The following VCL variants were observed in gnomAD, a reference collection of about 807,000 sequenced individuals.
VCL encodes the protein epididymis luminal protein 114.
In VCL, 47 loss-of-function variants were observed where a neutral mutation model predicts 125.7. That is an observed-to-expected ratio of 0.37 (90% CI 0.30 to 0.48). The LOEUF (loss-of-function observed/expected upper bound fraction) is 0.48, where lower values mean the gene tolerates loss of function less well. Among genes scored for constraint, VCL ranks in the 20% least tolerant of loss-of-function variants. VCL has a pLI of 0.99. For synonymous variants in VCL, 458 were observed against 514.6 expected (o/e 0.89, Z 1.49); for missense variants, 1,069 against 1,455.5 (o/e 0.73, Z 4.32).
chr10:74,010,698 C>T (rs1448153810), intron 1 of VCL, among the ~76,000 whole-genome samples: 1 of 151,674 alleles, frequency 6.6e-6, no homozygotes, highest in Non-Finnish European at 1.5e-5. Context: ...CACTTTCCTG[C>T]TTATGAATTT....
chr10:74,064,802 T>G (rs937184570), intron 2 of VCL, among the ~76,000 whole-genome samples: 1 of 152,174 alleles, frequency 6.6e-6, no homozygotes, highest in Non-Finnish European at 1.5e-5. Flanking sequence ...CATAGAAAAT[T>G]TATAAAAATA....
intron 2 of VCL, among the ~76,000 whole-genome samples, chr10:74,060,655 C>A (rs866824307): frequency 0.011 from 1,210 of 108,676 alleles, no homozygotes; most frequent in East Asian, 0.022. Flanking sequence ...GACTCTGTCT[C>A]AAAAAAAAAA....
chr10:74,115,259 G>C (rs917050136), intron 21 of VCL, among the ~76,000 whole-genome samples: 18 of 151,970 alleles, frequency 1.2e-4, no homozygotes, highest in African/African-American at 4.1e-4. Flanking sequence ...CCAGGAATTG[G>C]GAGCCAGGTG....
At chr10:74,086,680 T>C (rs1225251487) in intron 8 of VCL, among the ~76,000 whole-genome samples, 1 of 152,214 alleles carries the variant, frequency 6.6e-6, no homozygotes, top group East Asian at 1.9e-4. Context: ...GTAGTTATTG[T>C]AGGGGTTCCA....
intron 1 of VCL, among the ~76,000 whole-genome samples, chr10:74,022,352 C>G (rs1840686540): frequency 6.6e-6 from 1 of 151,830 alleles, no homozygotes; most frequent in African/African-American, 2.4e-5. Context: ...TCAAGACCAG[C>G]CTGGTCAACA....
chr10:74,041,004 G>A (rs915812109), intron 1 of VCL, among the ~76,000 whole-genome samples: 6 of 152,102 alleles, frequency 3.9e-5, no homozygotes, highest in Admixed American at 2.6e-4. Flanking sequence ...CCATAGGTGT[G>A]AGCCACCACA....
intron 13 of VCL, among the ~76,000 whole-genome samples, chr10:74,098,090 C>T (rs1384721068): frequency 6.6e-6 from 1 of 152,152 alleles, no homozygotes; most frequent in Admixed American, 6.5e-5. Flanking sequence ...CATTTCTTTG[C>T]TCTCGTGTGG....
chr10:74,018,742 AT>A (rs1840607169), intron 1 of VCL, among the ~76,000 whole-genome samples: 1 of 152,214 alleles, frequency 6.6e-6, no homozygotes, highest in South Asian at 2.1e-4. Context: ...CTGGTTCAAA[AT>A]TTAAAAGGTA....
At chr10:74,042,072 T>C (rs775163765) in intron 1 of VCL, among the ~76,000 whole-genome samples, 37 of 152,260 alleles carry the variant, frequency 2.4e-4, no homozygotes, top group Non-Finnish European at 4.7e-4. Context: ...ATTTTAAAAA[T>C]GTTCTTTCGG....
At chr10:74,089,122 A>C in intron 8 of VCL, 74 bp from the exon 9 acceptor site, 1 of 1,597,588 alleles carries the variant, frequency 6.3e-7, no homozygotes, top group Admixed American at 1.7e-5. Context: ...AACCACATGT[A>C]CTGTGCTATT....
At chr10:74,115,746 A>G (rs1047990992) in intron 21 of VCL, among the ~76,000 whole-genome samples, 3 of 152,234 alleles carry the variant, frequency 2.0e-5, no homozygotes, top group African/African-American at 7.2e-5. Context: ...GACAGCTCAA[A>G]GGAGGTGCTT....
At position 74,020,840 on chromosome 10, in the gene VCL, CAAAA is replaced by C. The variant is rs567412270; in HGVS notation, c.169-22225_169-22222del. Among the ~76,000 whole-genome samples, 132 of 66,738 alleles carry C rather than the reference CAAAA, an allele frequency of 2.0e-3. 1 individual carries two copies. The highest frequency in any genetic ancestry group is 3.0e-3 in the Non-Finnish European group (112 of 37,450). 43.8% of individuals were successfully genotyped at this position (66,738 alleles called of 152,430 possible). On this transcript the variant is annotated intron_variant, in intron 1 of 21. Transcript: ENST00000211998. Reference sequence around the variant, plus strand: ...TGGGCAACAGAGCAAGACCTTGTCTCAAAAAAAAAAAAAAAAAAAAAGAGAGCGA... The same window carrying C: ...TGGGCAACAGAGCAAGACCTTGTCTCAAAAAAAAAAAAAAAAAGAGAGCGA...
In VCL at chr10:74,101,081, G is replaced by A. The variant is rs759771302; in HGVS notation, c.2006G>A (p.Arg669Gln). 1.5e-5 allele frequency: 24 copies of A among 1,613,276 alleles called. No individual in the cohort carries two copies. The highest frequency in any genetic ancestry group is 1.7e-5 in the Non-Finnish European group (20 of 1,179,644). The change falls in exon 14 of 22, where the codon CGA becomes CAA. Residue 669 changes from arginine (R) to glutamine (Q), a missense_variant. This residue lies in a region of VCL where 760 missense variants were observed against 928.9 expected (regional missense o/e 0.82). Transcript: ENST00000211998. ...ATTCAGGCCTCAGTGAAGACGGCCC[G>A]AGAACTCACACCCCAGGTTGGGTTT... is the stretch of plus-strand genomic sequence containing the variant. ...EGIQASVKTARELTPQVVSAA... is the reference protein window; with the variant it reads ...EGIQASVKTAQELTPQVVSAA...
At chr10:74,101,468 C>A (rs1205083860) in intron 14 of VCL, among the ~76,000 whole-genome samples, 1 of 151,460 alleles carries the variant, frequency 6.6e-6, no homozygotes, top group Non-Finnish European at 1.5e-5. Context: ...CCTGGGGTGA[C>A]AGAGCAAGAC....
chr10:74,114,279 C>T lies in VCL; in HGVS notation c.3045C>T (p.Leu1015=). 1 of 1,614,126 alleles carries T rather than the reference C, an allele frequency of 6.2e-7. No homozygotes were observed. The highest frequency in any genetic ancestry group is 8.5e-7 in the Non-Finnish European group (1 of 1,180,040). Residue 1015 remains leucine (L), a synonymous_variant, in exon 20 of 22, where the codon CTC becomes CTT. Coordinates refer to ENST00000211998, the MANE Select transcript of VCL (RefSeq NM_014000.3). ...VRGGSGTKRA[L]IQCAKDIAKA... ...GGGGCAGTGGTACCAAGCGGGCACT[C>T]ATTCAGTGTGCCAAGGACATCGCCA...
chr10:74,106,280 A>G (rs1344207430), intron 16 of VCL, among the ~76,000 whole-genome samples: 1 of 152,224 alleles, frequency 6.6e-6, no homozygotes, highest in East Asian at 1.9e-4. Flanking sequence ...AAAATTTTCA[A>G]AAGATGCATG....
At chr10:74,101,542 GTTTTTTT>G (rs964739371) in intron 14 of VCL, among the ~76,000 whole-genome samples, 10 of 88,130 alleles carry the variant, frequency 1.1e-4, no homozygotes, top group Non-Finnish European at 1.7e-4. Flanking sequence ...CTATTTATTA[GTTTTTTT>G]TTTTTTTTTT....
chr10:74,024,695 G>C (rs749878467), intron 1 of VCL, among the ~76,000 whole-genome samples: 1 of 152,104 alleles, frequency 6.6e-6, no homozygotes, highest in Non-Finnish European at 1.5e-5. Context: ...GGGGTCTACA[G>C]TGTTGGTCAG....
intron 13 of VCL, among the ~76,000 whole-genome samples, chr10:74,100,459 G>A (rs1268416909): frequency 6.6e-6 from 1 of 152,194 alleles, no homozygotes; most frequent in East Asian, 1.9e-4. Flanking sequence ...TAATGGTAAT[G>A]GGATATATGA....
Sources: gnomAD v4.1 joint callset for allele counts (sites outside exome capture counted in the v4.1 genomes callset) on GRCh38, gnomAD v4.1.1 for gene constraint, gnomAD v4.1.1 regional missense constraint, MANE v1.5 for transcripts, NCBI Gene and HGNC (gene_info 2026-07-23, HGNC 2026-07-21) for gene names.